IFIH1: variants seen among roughly 807,000 people sequenced by gnomAD.
IFIH1 encodes the protein interferon-induced helicase C domain-containing protein 1.
IFIH1 carries 125 observed loss-of-function variants against 107.4 expected under a neutral mutation model. The ratio of observed to expected loss-of-function variants is 1.16; its 90% confidence interval spans 1.01 to 1.35. IFIH1 has a LOEUF of 1.35. Among genes scored for constraint, IFIH1 ranks in the 40% most tolerant of loss-of-function variants. The probability of loss-of-function intolerance (pLI) is 0.00; values close to 1 mark genes in which losing one functional copy is unlikely to be tolerated. For missense variants in IFIH1, 1,333 were observed against 1,213.7 expected (o/e 1.10, Z -1.46); for synonymous variants, 458 against 413.2 (o/e 1.11, Z -1.31).
chr2:162,303,661 G>GA (rs563538550), intron 3 of IFIH1, among the ~76,000 whole-genome samples: 51 of 141,928 alleles, frequency 3.6e-4, no homozygotes, highest in Middle Eastern at 3.7e-3. Context: ...AACCCAAGAG[G>GA]AAAAAAAAAA....
chr2:162,305,209 G>A (rs1683260359), intron 3 of IFIH1, among the ~76,000 whole-genome samples: 1 of 152,156 alleles, frequency 6.6e-6, no homozygotes, highest in African/African-American at 2.4e-5. Context: ...GGGAATATTG[G>A]TGACTTCTTT....
chr2:162,302,278 A>C (rs1345754936), intron 3 of IFIH1, among the ~76,000 whole-genome samples: 1 of 152,200 alleles, frequency 6.6e-6, no homozygotes, highest in East Asian at 1.9e-4. Context: ...ATTTGCATGC[A>C]CTAAGACTAC....
chr2:162,298,951 A>C (rs1255187694), intron 3 of IFIH1, among the ~76,000 whole-genome samples: 1 of 152,110 alleles, frequency 6.6e-6, no homozygotes, highest in Non-Finnish European at 1.5e-5. Context: ...CAACGAGAAA[A>C]ATCACTCTCC....
At chr2:162,294,582 G>A (rs951596359) in intron 3 of IFIH1, among the ~76,000 whole-genome samples, 16 of 151,990 alleles carry the variant, frequency 1.1e-4, no homozygotes, top group African/African-American at 2.6e-4. Flanking sequence ...TTTAAAGTGA[G>A]GCTAATCCCA....
chr2:162,306,923 T>C (rs1683291484), intron 2 of IFIH1, 68 bp from the exon 3 acceptor site: 8 of 1,388,168 alleles, frequency 5.8e-6, no homozygotes, highest in East Asian at 4.6e-5. Flanking sequence ...TACATAACTG[T>C]TATTGTTATT....
chr2:162,314,418 T>TTCTC lies in IFIH1; in HGVS notation c.453+3436_453+3437insGAGA, dbSNP rs1683442407. ...TCCCTCCTTTCTTTCTTTCTTTCTT[T>TTCTC]TCTTTCTTTCTTTCTTTCTTTCTTT... On this transcript the variant is annotated intron_variant, in intron 1 of 15. Transcript: ENST00000649979. 4.6e-5 allele frequency among the ~76,000 whole-genome samples: 3 copies of TTCTC among 65,234 alleles called. 1 individual carries two copies. Among genetic ancestry groups the TTCTC allele is most frequent in the African/African-American group, 2.8e-4 (3 of 10,710 alleles). The allele number at this position is 65,234 out of a possible 152,430, so 42.8% of individuals were successfully genotyped here. A position where few individuals can be genotyped will look rare whatever the true frequency, so the allele number is the denominator to read the frequency against.
chr2:162,314,727 A>G (rs1422268702), intron 1 of IFIH1, among the ~76,000 whole-genome samples: 2 of 151,844 alleles, frequency 1.3e-5, no homozygotes, highest in Non-Finnish European at 2.9e-5. Flanking sequence ...TGACCTCGAG[A>G]GCCACCCTCC....
Position 162,318,044 on chromosome 2 carries a change from G to GT in IFIH1, c.263_264insA (p.Ser88ArgfsTer11). 1 of 1,614,170 alleles carries GT rather than the reference G, an allele frequency of 6.2e-7. No homozygotes were observed. The highest frequency in any genetic ancestry group is 2.2e-5 in the East Asian group (1 of 44,858). On this transcript the variant is annotated frameshift_variant, in exon 1 of 16. Transcript: ENST00000649979. LOFTEE classifies it high-confidence loss of function. ...GGTTCATGTAGCGGGCGGCCAGAGG[G>GT]CTGCCGGTTCTCCGGAGGGCCTCCA...
At chr2:162,273,753 C>G (rs1411680318) in intron 12 of IFIH1, 42 bp downstream of exon 12, 2 of 1,384,624 alleles carry the variant, frequency 1.4e-6, no homozygotes, top group Non-Finnish European at 1.9e-6. Flanking sequence ...AGGAACACAA[C>G]AAATAAAAAT....
chr2:162,312,756 A>T (rs938953550), intron 1 of IFIH1, among the ~76,000 whole-genome samples: 1 of 152,118 alleles, frequency 6.6e-6, no homozygotes, highest in Admixed American at 6.6e-5. Context: ...ATCATCTGCT[A>T]ATTTAACAAG....
At chr2:162,282,332 T>G (rs1682825266) in intron 6 of IFIH1, 34 bp downstream of exon 6, 6 of 1,364,418 alleles carry the variant, frequency 4.4e-6, no homozygotes, top group Admixed American at 2.0e-5. Flanking sequence ...ATATTACTAT[T>G]AATTTTTTTA....
chr2:162,293,430 A>C (rs906196571), intron 4 of IFIH1, 134 bp downstream of exon 4: 39 of 578,390 alleles, frequency 6.7e-5, no homozygotes, highest in Middle Eastern at 5.4e-4. Flanking sequence ...CAAAGTTCCA[A>C]AACTATTTCA....
intron 1 of IFIH1, among the ~76,000 whole-genome samples, chr2:162,313,738 G>A (rs979090984): frequency 6.6e-6 from 1 of 152,042 alleles, no homozygotes; most frequent in Non-Finnish European, 1.5e-5. Context: ...GAATTTTAAA[G>A]AACCAGTTTC....
At position 162,288,337 on chromosome 2, in the gene IFIH1, G is replaced by T. The variant is rs757655862; in HGVS notation, c.893C>A (p.Ala298Glu). ...GSDSDEENVAARASPEPELQL... is the reference protein window; with the variant it reads ...GSDSDEENVAERASPEPELQL... ...GAGTTCTGGCTCCGGGGATGCTCTTGCTGCCACATTCTCTTCATCTGAAGA... is the reference window on the plus strand; with the variant it reads ...GAGTTCTGGCTCCGGGGATGCTCTTTCTGCCACATTCTCTTCATCTGAAGA... Residue 298 changes from alanine (A) to glutamate (E), a missense_variant, in exon 5 of 16, where the codon GCA (alanine) becomes GAA (glutamate). Transcript: ENST00000649979. 1 of 1,612,306 alleles carries T rather than the reference G, an allele frequency of 6.2e-7. No homozygotes were observed. Among genetic ancestry groups the T allele is most frequent in the Non-Finnish European group, 8.5e-7 (1 of 1,178,918 alleles).
At chr2:162,296,448 G>A (rs974105335) in intron 3 of IFIH1, among the ~76,000 whole-genome samples, 4 of 152,060 alleles carry the variant, frequency 2.6e-5, no homozygotes, top group African/African-American at 9.7e-5. Flanking sequence ...TGTTTCATAG[G>A]TGAGAAACCA....
Position 162,268,125 on chromosome 2 carries a change from A to G in IFIH1, c.2769T>C (p.Ile923=). The change falls in exon 14 of 16, where the codon ATT becomes ATC. Residue 923 remains isoleucine, a synonymous_variant. Coordinates refer to ENST00000649979, the MANE Select transcript of IFIH1 (RefSeq NM_022168.4). ...LACSGEDIHV[I]EKMHHVNMTP... Reference sequence around the variant, plus strand: ...TCATATTGACGTGATGCATTTTCTCAATTACATGGATATCTTCCCCAGAAC... The same window carrying G: ...TCATATTGACGTGATGCATTTTCTCGATTACATGGATATCTTCCCCAGAAC... 1 of 1,608,804 alleles carries G rather than the reference A, an allele frequency of 6.2e-7. No individual in the cohort carries two copies.
At chr2:162,310,612 A>T in intron 2 of IFIH1, 153 bp downstream of exon 2, 1 of 616,236 alleles carries the variant, frequency 1.6e-6, no homozygotes, top group Non-Finnish European at 2.8e-6. Flanking sequence ...CTCATTTGTT[A>T]AGGTGATAAA....
At chr2:162,305,936 A>G (rs1683274145) in intron 3 of IFIH1, among the ~76,000 whole-genome samples, 1 of 152,236 alleles carries the variant, frequency 6.6e-6, no homozygotes, top group Non-Finnish European at 1.5e-5. Flanking sequence ...AGCTTGAAAT[A>G]AGCCTGAATG....
intron 3 of IFIH1, among the ~76,000 whole-genome samples, chr2:162,299,311 A>G (rs1683151153): frequency 6.6e-6 from 1 of 152,170 alleles, no homozygotes; most frequent in African/African-American, 2.4e-5. Flanking sequence ...ACGGCAAGGT[A>G]GAATGTGAAT....
Sources: gnomAD v4.1 joint callset for allele counts (sites outside exome capture counted in the v4.1 genomes callset) on GRCh38, gnomAD v4.1.1 for gene constraint, MANE v1.5 for transcripts, NCBI Gene and HGNC (gene_info 2026-07-23, HGNC 2026-07-21) for gene names.